Variants in ITLN2 observed in about 807,000 individuals in gnomAD.
The protein encoded by ITLN2 is intelectin-2.
A neutral mutation model predicts 39.4 loss-of-function variants in ITLN2; 29 were observed. That is an observed-to-expected ratio of 0.74 (90% CI 0.55 to 1.00). The LOEUF is 1.00. Ranked by LOEUF, ITLN2 falls within the 50% of genes least tolerant of loss-of-function variation. ITLN2 has a pLI of 0.00. For synonymous variants in ITLN2, 156 were observed against 153.4 expected (o/e 1.02, Z -0.12); for missense variants, 412 against 416.7 (o/e 0.99, Z 0.10).
At chr1:160,945,416 G>A (rs1006477110) in intron 7 of ITLN2, 124 bp from the exon 8 acceptor site, 22 of 818,432 alleles carry the variant, frequency 2.7e-5, no homozygotes, top group Non-Finnish European at 3.6e-5. Context: ...CAAAGTGCTA[G>A]GATTACAGGT....
At chr1:160,947,894 C>T in intron 7 of ITLN2, 35 bp downstream of exon 7, 1 of 1,360,424 alleles carries the variant, frequency 7.4e-7, no homozygotes, top group Non-Finnish European at 1.1e-6. Context: ...TTTCTTTTCC[C>T]CACACGTGGG....
chr1:160,954,269 C>G (rs1241574338), intron 2 of ITLN2, 118 bp downstream of exon 2: 2 of 799,378 alleles, frequency 2.5e-6, no homozygotes, highest in African/African-American at 3.5e-5. Context: ...CCCTGCCTCT[C>G]CAGAACTTCC....
In ITLN2 at chr1:160,949,722, G is replaced by T. The variant is rs546013750; in HGVS notation, c.721+324C>A. 3 of 228,176 alleles carry T rather than the reference G, an allele frequency of 1.3e-5. No individual in the cohort carries two copies. In the East Asian group the frequency reaches 3.0e-4, roughly 23 times the overall value. The allele number at this position is 228,176 out of a possible 1,614,324, so 14.1% of individuals were successfully genotyped here. A position where few individuals can be genotyped will look rare whatever the true frequency, so the allele number is the denominator to read the frequency against. On this transcript the variant is annotated intron_variant, in intron 6 of 7. Coordinates refer to ENST00000368029, the MANE Select transcript of ITLN2 (RefSeq NM_080878.3). Reference sequence around the variant, plus strand: ...AATTTTTCTCAGCACAGACCAAAATGGAGTCTCTTATGTCTACTTCTTTCT... The same window carrying T: ...AATTTTTCTCAGCACAGACCAAAATTGAGTCTCTTATGTCTACTTCTTTCT...
intron 2 of ITLN2, 91 bp from the exon 3 acceptor site, chr1:160,952,824 C>G: frequency 1.1e-6 from 1 of 929,582 alleles, no homozygotes; most frequent in Non-Finnish European, 1.7e-6. Context: ...ACTCATCACT[C>G]TGCTCTGAAG....
chr1:160,945,253 GT>G lies in ITLN2; in HGVS notation c.864del (p.Lys288AsnfsTer28). On this transcript the variant is annotated frameshift_variant, in exon 8 of 8. Coordinates refer to ENST00000368029, the MANE Select transcript of ITLN2 (RefSeq NM_080878.3). LOFTEE classifies it high-confidence loss of function. The part of the protein sequence containing the change: ...IGGGGFFPQG[K>X]PRQCGDFSAF... ...GCGGAGAAGTCCCCACACTGACGGG[GT>G]TTGCCCTGTGGGAAGAACCCTCCTC... 6.3e-7 allele frequency: 1 copy of G among 1,595,526 alleles called. No homozygotes were observed. The highest frequency in any genetic ancestry group is 8.5e-7 in the Non-Finnish European group (1 of 1,175,242).
intron 4 of ITLN2, 40 bp from the exon 5 acceptor site, chr1:160,950,751 G>A (rs1381180220): frequency 1.3e-6 from 2 of 1,586,142 alleles, no homozygotes; most frequent in Non-Finnish European, 1.7e-6. Context: ...GGGCCAGGAG[G>A]TACCAGGAGG....
rs1174972192 is a variant in ITLN2, at chr1:160,950,694, G to A, written c.459C>T (p.Asp153=). The A allele has an allele frequency of 2.5e-6, 4 of 1,613,554 alleles. No homozygotes were observed. The highest frequency in any genetic ancestry group is 3.4e-6 in the Non-Finnish European group (4 of 1,179,678). ...SDDYKNPGYY[D]IQAKDLGIWH... ...AGATGCCCAGGTCCTTGGCCTGGAT[G>A]TCGTAGTAGCCAGGGTTCTGGAAAG... The change falls in exon 5 of 8, where the codon GAC becomes GAT. Residue 153 remains aspartate, a synonymous_variant. Transcript: ENST00000368029.
In ITLN2 at chr1:160,948,022, A is replaced by C. The variant is rs1671647528; in HGVS notation, c.732T>G (p.Val244=). ...ACACCCGGAACTGAACGAATCCTGCAACAAATTCCCCTGAAAAAGAAGAGG... is the reference window on the plus strand; with the variant it reads ...ACACCCGGAACTGAACGAATCCTGCCACAAATTCCCCTGAAAAAGAAGAGG... ...YYSPYGQREF[V]AGFVQFRVFN... Residue 244 remains valine, a synonymous_variant, in exon 7 of 8, where the codon GTT becomes GTG. Coordinates refer to ENST00000368029, the MANE Select transcript of ITLN2 (RefSeq NM_080878.3). 6.2e-7 allele frequency: 1 copy of C among 1,613,778 alleles called. No individual in the cohort carries two copies.
rs113246311 is a variant in ITLN2, at chr1:160,952,593, A to T, written c.193+27T>A. ...TGAGCTAAAAAGTGGCTTCAAAGAG[A>T]GAATGCTGAGTTGGTTCATTACTCA... On this transcript the variant is annotated intron_variant, in intron 3 of 7. Coordinates refer to ENST00000368029, the MANE Select transcript of ITLN2 (RefSeq NM_080878.3). The T allele has an allele frequency of 4.6e-5, 70 of 1,526,820 alleles. No homozygotes were observed. The African/African-American group carries it at 6.8e-4, about 15-fold the overall frequency. 94.6% of individuals were successfully genotyped at this position (1,526,820 alleles called of 1,614,324 possible).
rs186934362 is a variant in ITLN2, at chr1:160,945,165, G to A, written c.953C>T (p.Ala318Val). Residue 318 changes from alanine to valine, a missense_variant, in exon 8 of 8, where the codon GCG becomes GTG. By Grantham distance (64) the Ala-to-Val change is moderately conservative. Coordinates refer to ENST00000368029, the MANE Select transcript of ITLN2 (RefSeq NM_080878.3). Reference sequence around the variant, plus strand: ...TCATCTATAGAACAAGAGTACAGCCGCCTCCGTTATCTCCCGACTGCAGCT... The same window carrying A: ...TCATCTATAGAACAAGAGTACAGCCACCTCCGTTATCTCCCGACTGCAGCT... ...KSSCSREITE[A>V]AVLLFYR 8.7e-6 allele frequency: 14 copies of A among 1,602,868 alleles called. No homozygotes were observed. Among genetic ancestry groups the A allele is most frequent in the Middle Eastern group, 1.7e-4 (1 of 6,034 alleles).
intron 2 of ITLN2, 138 bp from the exon 3 acceptor site, chr1:160,952,871 C>A: frequency 1.6e-6 from 1 of 629,792 alleles, no homozygotes; most frequent in Non-Finnish European, 2.8e-6. Context: ...CTAAGACGGT[C>A]TGATCCAACA....
chr1:160,953,069 G>C (rs1291383875), intron 2 of ITLN2, among the ~76,000 whole-genome samples: 4 of 152,216 alleles, frequency 2.6e-5, no homozygotes, highest in Non-Finnish European at 5.9e-5. Flanking sequence ...TAACGGGGGT[G>C]AGGCCTGGGA....
Position 160,950,614 on chromosome 1 carries a change from C to T in ITLN2, c.539G>A (p.Arg180Lys). 1.2e-6 allele frequency: 2 copies of T among 1,614,218 alleles called. No individual in the cohort carries two copies. Among genetic ancestry groups the T allele is most frequent in the Non-Finnish European group, 1.7e-6 (2 of 1,180,030 alleles). ...MQHWRNSALL[R>K]YRTNTGFLQR... is the part of the protein sequence containing the mutation. The stretch of plus-strand genomic sequence containing the variant: ...GAGGAAGCCAGTGTTGGTGCGGTAC[C>T]TCAGCAGGGCGCTGTTTCTCCAATG... Residue 180 changes from arginine (R) to lysine (K), a missense_variant, in exon 5 of 8, where the codon AGG (arginine) becomes AAG (lysine). By Grantham distance (26) the Arg-to-Lys change is conservative. Transcript: ENST00000368029.
Position 160,947,037 on chromosome 1 carries a change from G to A in ITLN2, c.825+892C>T, listed in dbSNP as rs117994223. On this transcript the variant is annotated intron_variant, in intron 7 of 7. Transcript: ENST00000368029. Reference sequence around the variant, plus strand: ...ACCAGGGGACCAGCACTCAGTATACGGAGGACCTGCTCCGGTGCCAGCCTC... The same window carrying A: ...ACCAGGGGACCAGCACTCAGTATACAGAGGACCTGCTCCGGTGCCAGCCTC... Among the ~76,000 whole-genome samples the A allele has an allele frequency of 1.2e-3, 180 of 152,272 alleles. 2 individuals carry two copies. The East Asian group carries it at 0.029, about 24-fold the overall frequency.
At chr1:160,951,735 C>T (rs955013628) in intron 3 of ITLN2, among the ~76,000 whole-genome samples, 1 of 152,208 alleles carries the variant, frequency 6.6e-6, no homozygotes, top group African/African-American at 2.4e-5. Context: ...ACGGTGGCAT[C>T]CTGGTGACCT....
At chr1:160,948,335 G>C (rs1473760696) in intron 6 of ITLN2, among the ~76,000 whole-genome samples, 1 of 152,198 alleles carries the variant, frequency 6.6e-6, no homozygotes, top group Non-Finnish European at 1.5e-5. Flanking sequence ...TTACCAAAAA[G>C]ATCTGAGAAG....
chr1:160,951,019 A>G (rs3829790), intron 4 of ITLN2, 24 bp downstream of exon 4: 883,453 of 1,613,880 alleles, frequency 0.55, 245,540 homozygotes, highest in Middle Eastern at 0.64. Context: ...ACCCTCACCC[A>G]AGTAGGAGAG....
Position 160,952,637 on chromosome 1 carries a change from C to T in ITLN2, c.176G>A (p.Arg59His), listed in dbSNP as rs530710369. ...LPRSCKEIKE[R>H]CHSAGDGLYF... is the part of the protein sequence containing the mutation. ...TTACTCACCACCTGCACTATGGCAG[C>T]GTTCCTTGATTTCTTTGCAGCTTCT... is the stretch of plus-strand genomic sequence containing the variant. The change falls in exon 3 of 8, where the codon CGC becomes CAC. Residue 59 changes from arginine to histidine, a missense_variant. Arg to His is a conservative substitution (Grantham distance 29). Transcript: ENST00000368029. 7.4e-6 allele frequency: 12 copies of T among 1,613,488 alleles called. No individual in the cohort carries two copies. Among genetic ancestry groups the T allele is most frequent in the South Asian group, 5.5e-5 (5 of 91,068 alleles).
At position 160,950,155 on chromosome 1, in the gene ITLN2, C is replaced by T. The variant is rs745546973; in HGVS notation, c.612G>A (p.Val204=). Residue 204 remains valine (V), a synonymous_variant, in exon 6 of 8, where the codon GTG becomes GTA. Coordinates refer to ENST00000368029, the MANE Select transcript of ITLN2 (RefSeq NM_080878.3). The stretch of plus-strand genomic sequence containing the variant: ...TCCAACATTTCCCTGATCTGTATTT[C>T]ACTGGGTATTTCTGCAGAGACCCAG... ...NLFGIYQKYP[V]KYRSGKCWND... 3.4e-5 allele frequency: 55 copies of T among 1,613,832 alleles called. No homozygotes were observed. The highest frequency in any genetic ancestry group is 4.6e-5 in the Non-Finnish European group (54 of 1,179,836).
Sources: allele counts gnomAD v4.1 joint callset (sites outside exome capture counted in the v4.1 genomes callset), GRCh38; gene constraint gnomAD v4.1.1; transcripts MANE v1.5; gene names NCBI Gene and HGNC (gene_info 2026-07-23, HGNC 2026-07-21).